The following CDH2 variants were observed in gnomAD, a reference collection of about 807,000 sequenced individuals.
CDH2 encodes cadherin 2, also known as cadherin-2.
Under a neutral mutation model 92.0 loss-of-function variants are expected in CDH2, and 17 were observed. That is an observed-to-expected ratio of 0.18 (90% CI 0.13 to 0.28). The LOEUF (loss-of-function observed/expected upper bound fraction) is 0.28. Ranked by LOEUF, CDH2 falls within the 10% of genes least tolerant of loss-of-function variation. CDH2 has a pLI of 1.00. For synonymous variants in CDH2, 419 were observed against 415.9 expected, an observed-to-expected ratio of 1.01 and a Z score of -0.09; for missense variants, 862 against 1,133.1, an observed-to-expected ratio of 0.76 and a Z score of 3.44.
At position 27,951,841 on chromosome 18, in the gene CDH2, C is replaced by T. The variant is rs912972695; in HGVS notation, c.*312G>A. 1.1e-4 allele frequency: 29 copies of T among 264,466 alleles called. No homozygotes were observed. The highest frequency in any genetic ancestry group is 1.3e-3 in the Middle Eastern group (1 of 768). The allele number at this position is 264,466 out of a possible 1,614,324, so 16.4% of individuals were successfully genotyped here. ...ACAAAATATTTTGTCTTTTACTTATCGTTTCAGAAATCAGTACCATTAAAG... is the reference window on the plus strand; with the variant it reads ...ACAAAATATTTTGTCTTTTACTTATTGTTTCAGAAATCAGTACCATTAAAG... On this transcript the variant is annotated 3_prime_UTR_variant, in exon 16 of 16. Coordinates refer to ENST00000269141, the MANE Select transcript of CDH2 (RefSeq NM_001792.5).
At chr18:28,111,177 G>A (rs1055980168) in intron 2 of CDH2, among the ~76,000 whole-genome samples, 1 of 152,194 alleles carries the variant, frequency 6.6e-6, no homozygotes, top group Admixed American at 6.5e-5. Flanking sequence ...TGCCAGGGAA[G>A]AAAACAACAG....
chr18:28,074,292 A>T lies in CDH2; in HGVS notation c.173-60383T>A, dbSNP rs17498477. On this transcript the variant is annotated intron_variant, in intron 2 of 15. Transcript: ENST00000269141. ...GTGAGGAACTCAGCTGTCATGACAC[A>T]TGCATACATGAGAATGCTGAAGCCA... Among the ~76,000 whole-genome samples, 9 of 152,338 alleles carry T rather than the reference A, an allele frequency of 5.9e-5. No individual in the cohort carries two copies. In the East Asian group the frequency reaches 1.5e-3, roughly 26 times the overall value.
intron 14 of CDH2, among the ~76,000 whole-genome samples, chr18:27,977,909 C>T (rs6508522): frequency 0.35 from 53,625 of 152,064 alleles, 10,638 homozygotes; most frequent in Non-Finnish European, 0.46. Flanking sequence ...GAAAACTTGT[C>T]CAGAACACAG....
At chr18:28,021,952 C>G (rs117259435) in intron 2 of CDH2, among the ~76,000 whole-genome samples, 2 of 151,844 alleles carry the variant, frequency 1.3e-5, no homozygotes, top group African/African-American at 4.8e-5. Flanking sequence ...ACAAAAGTTT[C>G]TTTTCCACAG....
At chr18:28,098,049 G>T (rs1039843654) in intron 2 of CDH2, among the ~76,000 whole-genome samples, 1 of 152,080 alleles carries the variant, frequency 6.6e-6, no homozygotes, top group Admixed American at 6.6e-5. Flanking sequence ...AATAATCATA[G>T]ATCTGATAAA....
chr18:28,095,867 C>A (rs2015126546), intron 2 of CDH2, among the ~76,000 whole-genome samples: 1 of 146,698 alleles, frequency 6.8e-6, no homozygotes, highest in Non-Finnish European at 1.5e-5. Flanking sequence ...CTAAGTTCCT[C>A]AATGGAAATG....
intron 14 of CDH2, among the ~76,000 whole-genome samples, chr18:27,968,990 A>T (rs1029312932): frequency 4.6e-5 from 7 of 152,238 alleles, no homozygotes; most frequent in African/African-American, 1.2e-4. Flanking sequence ...AGGTGTCAAC[A>T]TATTACCAAA....
Position 28,040,082 on chromosome 18 carries a change from T to TA in CDH2, c.173-26174dup, listed in dbSNP as rs1223213535. Among the ~76,000 whole-genome samples the TA allele has an allele frequency of 1.1e-4, 16 of 152,190 alleles. 1 individual carries two copies. The highest frequency in any genetic ancestry group is 3.9e-4 in the African/African-American group (16 of 41,448). ...TAAAATGGTGCTACTGACGAATGAA[T>TA]AACTATTTGTTTAGTTAGAGGCAAT... is the stretch of plus-strand genomic sequence containing the variant. On this transcript the variant is annotated intron_variant, in intron 2 of 15. Coordinates refer to ENST00000269141, the MANE Select transcript of CDH2 (RefSeq NM_001792.5).
At chr18:28,103,504 TAC>T (rs939831567) in intron 2 of CDH2, among the ~76,000 whole-genome samples, 1 of 149,572 alleles carries the variant, frequency 6.7e-6, no homozygotes, top group South Asian at 2.1e-4. Flanking sequence ...CACACATATA[TAC>T]ACACACACAC....
chr18:28,161,448 C>T (rs1598518758), intron 1 of CDH2, among the ~76,000 whole-genome samples: 1 of 151,990 alleles, frequency 6.6e-6, no homozygotes, highest in Admixed American at 6.6e-5. Flanking sequence ...GGCATGTTGG[C>T]ACACACCTGT....
intron 6 of CDH2, among the ~76,000 whole-genome samples, chr18:27,944,209 C>T (rs1455689834): frequency 6.6e-6 from 1 of 152,026 alleles, no homozygotes; most frequent in Non-Finnish European, 1.5e-5. Context: ...TGCAAACTAC[C>T]TTTCTCACAA....
intron 1 of CDH2, among the ~76,000 whole-genome samples, chr18:28,166,693 A>T (rs2016390778): frequency 6.6e-6 from 1 of 152,192 alleles, no homozygotes; most frequent in African/African-American, 2.4e-5. Flanking sequence ...AATCTTTAAA[A>T]TATGGTAAAA....
rs147882736 is a variant in CDH2, at chr18:28,018,466, G to T, written c.173-4557C>A. 5.6e-4 allele frequency among the ~76,000 whole-genome samples: 85 copies of T among 152,070 alleles called. 1 individual carries two copies. In the East Asian group the frequency reaches 7.7e-3, roughly 14 times the overall value. ...CTAAGCAAAATGAACAAATCTGGAG[G>T]TATTACATTACTTGACCTCAAACTA... On this transcript the variant is annotated intron_variant, in intron 2 of 15. Transcript: ENST00000269141.
chr18:27,941,662 G>A (rs1909142623), intron 6 of CDH2, among the ~76,000 whole-genome samples: 1 of 152,210 alleles, frequency 6.6e-6, no homozygotes, highest in African/African-American at 2.4e-5. Context: ...TAAGAGGAAT[G>A]ATACTATTAA....
chr18:28,015,039 C>T (rs142798569), intron 2 of CDH2, among the ~76,000 whole-genome samples: 5 of 152,104 alleles, frequency 3.3e-5, no homozygotes, highest in Admixed American at 1.3e-4. Flanking sequence ...TAATTAATAG[C>T]GACATATTAC....
chr18:28,155,150 T>C (rs1475623940), intron 1 of CDH2, among the ~76,000 whole-genome samples: 1 of 152,194 alleles, frequency 6.6e-6, no homozygotes, highest in African/African-American at 2.4e-5. Flanking sequence ...TGGGTAGGAC[T>C]GGGTTAAGAC....
At chr18:28,170,377 G>A (rs936808826) in intron 1 of CDH2, among the ~76,000 whole-genome samples, 2 of 151,974 alleles carry the variant, frequency 1.3e-5, no homozygotes, top group African/African-American at 4.8e-5. Flanking sequence ...GTGGAGTCTC[G>A]CTCTGTTGCC....
At chr18:28,066,615 C>T (rs938712294) in intron 2 of CDH2, among the ~76,000 whole-genome samples, 9 of 151,944 alleles carry the variant, frequency 5.9e-5, no homozygotes, top group Non-Finnish European at 1.3e-4. Flanking sequence ...AGATTAGGTG[C>T]CACTGAAAAG....
chr18:27,936,804 G>T (rs781209459), intron 6 of CDH2, among the ~76,000 whole-genome samples: 1 of 152,152 alleles, frequency 6.6e-6, no homozygotes. Flanking sequence ...AAAGTGCTGG[G>T]ATTGGCATTA....
Sources: gnomAD v4.1 joint callset for allele counts (sites outside exome capture counted in the v4.1 genomes callset) on GRCh38, gnomAD v4.1.1 for gene constraint, MANE v1.5 for transcripts, NCBI Gene and HGNC (gene_info 2026-07-23, HGNC 2026-07-21) for gene names.